The following MAGI1 variants were observed in gnomAD, a reference collection of about 807,000 sequenced individuals.
MAGI1 encodes the protein membrane associated guanylate kinase, WW and PDZ domain containing 1.
MAGI1 carries 58 observed loss-of-function variants against 139.9 expected under a neutral mutation model. That is an observed-to-expected ratio of 0.41 (90% CI 0.34 to 0.52). The LOEUF (loss-of-function observed/expected upper bound fraction) is 0.52. Ranked by LOEUF, MAGI1 falls within the 20% of genes least tolerant of loss-of-function variation. MAGI1 has a pLI of 0.12. For missense variants in MAGI1, 1,874 were observed against 1,901.6 expected (o/e 0.99, Z 0.27); for synonymous variants, 812 against 737.9 (o/e 1.10, Z -1.63).
At chr3:65,769,164 G>A (rs1016119656) in intron 1 of MAGI1, among the ~76,000 whole-genome samples, 1 of 152,128 alleles carries the variant, frequency 6.6e-6, no homozygotes, top group Non-Finnish European at 1.5e-5. Context: ...TTGTCGATCT[G>A]TTTTTTTCTG....
intron 1 of MAGI1, among the ~76,000 whole-genome samples, chr3:65,810,937 T>A (rs2041189858): frequency 6.6e-6 from 1 of 152,224 alleles, no homozygotes; most frequent in African/African-American, 2.4e-5. Context: ...GTACATGGCA[T>A]ATAGTAGGTA....
At chr3:65,960,699 T>A (rs544826259) in intron 1 of MAGI1, among the ~76,000 whole-genome samples, 1 of 152,326 alleles carries the variant, frequency 6.6e-6, no homozygotes, top group Non-Finnish European at 1.5e-5. Flanking sequence ...TCCACACAAA[T>A]TGTACAAGAT....
At chr3:65,885,722 A>G (rs935518443) in intron 1 of MAGI1, among the ~76,000 whole-genome samples, 2 of 152,144 alleles carry the variant, frequency 1.3e-5, no homozygotes, top group East Asian at 1.9e-4. Flanking sequence ...CTCCTCCTTC[A>G]CCTTCCACCA....
chr3:65,413,017 T>C (rs931839211), intron 12 of MAGI1, among the ~76,000 whole-genome samples: 29 of 152,128 alleles, frequency 1.9e-4, no homozygotes, highest in African/African-American at 7.0e-4. Context: ...CAAACTTTTA[T>C]TACAGCACTG....
Position 65,884,335 on chromosome 3 carries a change from T to C in MAGI1, c.313+153661A>G, listed in dbSNP as rs2060449118. Among the ~76,000 whole-genome samples, 3 of 152,352 alleles carry C rather than the reference T, an allele frequency of 2.0e-5. No homozygotes were observed. In the South Asian group the frequency reaches 6.2e-4, roughly 32 times the overall value. ...AGGTATCCAAGTGCAGACTCATTAC[T>C]GATACACAAGGAAAAATTGTACCAC... On this transcript the variant is annotated intron_variant, in intron 1 of 22. Coordinates refer to ENST00000402939, the MANE Select transcript of MAGI1 (RefSeq NM_001033057.2).
chr3:66,004,113 G>T (rs947201087), intron 1 of MAGI1, among the ~76,000 whole-genome samples: 1 of 152,148 alleles, frequency 6.6e-6, no homozygotes, highest in Non-Finnish European at 1.5e-5. Context: ...AAAAAATCCT[G>T]CTCGGATTTT....
chr3:65,530,854 C>CACAT (rs138048319), intron 2 of MAGI1, among the ~76,000 whole-genome samples: 1,921 of 107,834 alleles, frequency 0.018, 212 homozygotes, highest in African/African-American at 0.072. Context: ...CACACACACA[C>CACAT]ATATATATAT....
chr3:65,687,713 G>A, intron 1 of MAGI1: 1 of 530,194 alleles, frequency 1.9e-6, no homozygotes, highest in South Asian at 1.4e-5. Flanking sequence ...GCTGCCCTGG[G>A]AAACAAAGTC....
chr3:65,499,032 T>A (rs1020998227), intron 2 of MAGI1: 22 of 978,528 alleles, frequency 2.2e-5, no homozygotes, highest in Non-Finnish European at 2.5e-5. Context: ...CAGCATGACA[T>A]CTCAAACAGA....
chr3:65,974,097 T>C (rs1430801497), intron 1 of MAGI1, among the ~76,000 whole-genome samples: 1 of 152,032 alleles, frequency 6.6e-6, no homozygotes. Context: ...ATCTTTCTTA[T>C]TTACTTCTAG....
chr3:65,567,093 C>A (rs2080697167), intron 2 of MAGI1, among the ~76,000 whole-genome samples: 1 of 151,510 alleles, frequency 6.6e-6, no homozygotes, highest in African/African-American at 2.4e-5. Context: ...CTTCTGAAAG[C>A]AGACAAAACT....
At chr3:65,839,632 T>C (rs1357349779) in intron 1 of MAGI1, among the ~76,000 whole-genome samples, 1 of 152,164 alleles carries the variant, frequency 6.6e-6, no homozygotes, top group Non-Finnish European at 1.5e-5. Flanking sequence ...ATGTAAAATA[T>C]AAACTATAAA....
At chr3:65,615,128 A>C (rs532611631) in intron 2 of MAGI1, among the ~76,000 whole-genome samples, 2 of 152,224 alleles carry the variant, frequency 1.3e-5, no homozygotes, top group Admixed American at 6.5e-5. Context: ...ACTAGCATAA[A>C]CAAAGCCTTG....
chr3:65,553,168 AGATG>A (rs1476043863), intron 2 of MAGI1, among the ~76,000 whole-genome samples: 3 of 152,116 alleles, frequency 2.0e-5, no homozygotes, highest in African/African-American at 7.2e-5. Context: ...GAGCCCCTGA[AGATG>A]GATGGAAAAA....
intron 12 of MAGI1, among the ~76,000 whole-genome samples, chr3:65,406,276 C>T (rs1024718216): frequency 6.6e-6 from 1 of 151,590 alleles, no homozygotes; most frequent in African/African-American, 2.4e-5. Context: ...AGAAGCCGAG[C>T]ATTGCCATTT....
chr3:65,971,974 T>C (rs2065033099), intron 1 of MAGI1, among the ~76,000 whole-genome samples: 3 of 152,074 alleles, frequency 2.0e-5, no homozygotes, highest in African/African-American at 4.8e-5. Context: ...CAAAGGCAAA[T>C]AGGACAAGCT....
intron 1 of MAGI1, among the ~76,000 whole-genome samples, chr3:65,776,684 A>G (rs1258946196): frequency 6.6e-6 from 1 of 152,152 alleles, no homozygotes; most frequent in Non-Finnish European, 1.5e-5. Context: ...CAGCAACAGA[A>G]AACGGTACTC....
intron 1 of MAGI1, among the ~76,000 whole-genome samples, chr3:65,756,250 A>AT (rs1289458231): frequency 6.6e-6 from 1 of 152,144 alleles, no homozygotes; most frequent in East Asian, 1.9e-4. Context: ...TCTTCTAAAG[A>AT]TGGCCAGTGG....
intron 1 of MAGI1, among the ~76,000 whole-genome samples, chr3:65,962,569 T>A (rs1309716082): frequency 6.6e-6 from 1 of 152,012 alleles, no homozygotes. Context: ...GCGAGGTGGT[T>A]CACGTCTGTA....
Sources: gnomAD v4.1 joint callset for allele counts (sites outside exome capture counted in the v4.1 genomes callset) on GRCh38, gnomAD v4.1.1 for gene constraint, MANE v1.5 for transcripts, NCBI Gene and HGNC (gene_info 2026-07-23, HGNC 2026-07-21) for gene names.